The following BCL2L15 variants were observed in gnomAD, a reference collection of about 807,000 sequenced individuals.
BCL2L15 encodes BCL2 like 15.
A neutral mutation model predicts 18.3 loss-of-function variants in BCL2L15; 15 were observed. The ratio of observed to expected loss-of-function variants is 0.82; its 90% confidence interval spans 0.55 to 1.26. The LOEUF (loss-of-function observed/expected upper bound fraction) is 1.26. Among genes scored for constraint, BCL2L15 ranks in the 50% most tolerant of loss-of-function variants. BCL2L15 has a pLI of 0.00. For synonymous variants in BCL2L15, 58 were observed against 68.5 expected (o/e 0.85, Z 0.76); for missense variants, 180 against 201.7 (o/e 0.89, Z 0.65).
At chr1:113,881,502 T>C in intron 3 of BCL2L15, 1 of 1,360,556 alleles carries the variant, frequency 7.3e-7, no homozygotes, top group Non-Finnish European at 9.5e-7. Flanking sequence ...ATATACTTTA[T>C]AGATGATTAT....
At position 113,881,992 on chromosome 1, in the gene BCL2L15, T is replaced by C. The variant is rs769150956; in HGVS notation, c.255A>G (p.Gly85=). The C allele has an allele frequency of 1.5e-5, 24 of 1,612,124 alleles. No individual in the cohort carries two copies. In the Admixed American group the frequency reaches 3.7e-4, roughly 25 times the overall value. Residue 85 remains glycine, a synonymous_variant, in exon 3 of 4, where the codon GGA becomes GGG. Transcript: ENST00000393316. ...VIAETIKGQT[G]AILQDTVESL... ...ATTCCACAGTGTCCTGGAGTATAGC[T>C]CCTGTCTGAGGAAAGACAAAGGAAA... is the stretch of plus-strand genomic sequence containing the variant.
intron 2 of BCL2L15, among the ~76,000 whole-genome samples, chr1:113,883,298 T>C (rs1044641535): frequency 1.3e-5 from 2 of 151,836 alleles, no homozygotes. Flanking sequence ...CTGGCCAACA[T>C]AGTGAAACCC....
At chr1:113,885,770 C>T (rs1006000764) in intron 2 of BCL2L15, among the ~76,000 whole-genome samples, 9 of 151,870 alleles carry the variant, frequency 5.9e-5, no homozygotes, top group South Asian at 2.1e-4. Flanking sequence ...GGGCCAGGCG[C>T]GGTGGCTCAC....
At position 113,880,739 on chromosome 1, in the gene BCL2L15, C is replaced by T. The variant is rs1339469404; in HGVS notation, c.*384G>A. The T allele has an allele frequency of 5.2e-6, 1 of 193,904 alleles. No individual in the cohort carries two copies. Among genetic ancestry groups the T allele is most frequent in the Admixed American group, 5.8e-5 (1 of 17,352 alleles). The allele number at this position is 193,904 out of a possible 1,614,324, so 12.0% of individuals were successfully genotyped here. ...AGGGCTACATCTGAAGAAATAGTTTCCATTGTTCTCCCTTTCTCTCAAAAT... is the reference window on the plus strand; with the variant it reads ...AGGGCTACATCTGAAGAAATAGTTTTCATTGTTCTCCCTTTCTCTCAAAAT... On this transcript the variant is annotated 3_prime_UTR_variant, in exon 4 of 4. Transcript: ENST00000393316.
chr1:113,886,215 GAAA>G (rs34346787), intron 2 of BCL2L15, among the ~76,000 whole-genome samples: 35 of 95,288 alleles, frequency 3.7e-4, no homozygotes, highest in African/African-American at 8.9e-4. Context: ...GACCCTGTCT[GAAA>G]AAAAAAAAAA....
At chr1:113,883,702 T>A (rs979927523) in intron 2 of BCL2L15, among the ~76,000 whole-genome samples, 1 of 151,940 alleles carries the variant, frequency 6.6e-6, no homozygotes, top group Non-Finnish European at 1.5e-5. Context: ...AAGAATTGCT[T>A]GAATCCGAGA....
intron 3 of BCL2L15, 100 bp from the exon 4 acceptor site, chr1:113,881,240 T>A: frequency 6.4e-7 from 1 of 1,556,928 alleles, no homozygotes; most frequent in Non-Finnish European, 8.8e-7. Flanking sequence ...GAAATGTAGC[T>A]CTTATTAAGG....
Position 113,881,978 on chromosome 1 carries a change from T to A in BCL2L15, c.269A>T (p.Asp90Val), listed in dbSNP as rs756901135. 6.2e-7 allele frequency: 1 copy of A among 1,613,980 alleles called. No homozygotes were observed. The highest frequency in any genetic ancestry group is 1.7e-5 in the Admixed American group (1 of 60,016). ...IKGQTGAILQDTVESLSKTWC... is the reference protein window; with the variant it reads ...IKGQTGAILQVTVESLSKTWC... ...GGTCTTGCTGAGAGATTCCACAGTG[T>A]CCTGGAGTATAGCTCCTGTCTGAGG... Residue 90 changes from aspartate (D) to valine (V), a missense_variant, in exon 3 of 4, where the codon GAC becomes GTC. Physicochemically the swap from Asp to Val is radical, Grantham distance 152. Coordinates refer to ENST00000393316, the MANE Select transcript of BCL2L15 (RefSeq NM_001010922.3).
Position 113,881,400 on chromosome 1 carries a change from C to T in BCL2L15, c.475-260G>A, listed in dbSNP as rs930705931. ...TACTATTAAGGTGATTCTGACTTCC[C>T]TAACACACACATAGAGAAGTTAGGA... On this transcript the variant is annotated intron_variant, in intron 3 of 3. Coordinates refer to ENST00000393316, the MANE Select transcript of BCL2L15 (RefSeq NM_001010922.3). 3.4e-6 allele frequency: 4 copies of T among 1,182,000 alleles called. No individual in the cohort carries two copies. In the Admixed American group the frequency reaches 9.8e-5, roughly 29 times the overall value. The allele number at this position is 1,182,000 out of a possible 1,614,324, so 73.2% of individuals were successfully genotyped here.
intron 3 of BCL2L15, 199 bp from the exon 4 acceptor site, chr1:113,881,339 T>C: frequency 6.9e-6 from 7 of 1,007,914 alleles, no homozygotes; most frequent in South Asian, 1.8e-5. Context: ...ATACCTTATA[T>C]AGTTACCACT....
intron 1 of BCL2L15, among the ~76,000 whole-genome samples, 191 bp from the exon 2 acceptor site, chr1:113,886,849 T>C (rs999671427): frequency 6.6e-6 from 1 of 152,180 alleles, no homozygotes; most frequent in Non-Finnish European, 1.5e-5. Flanking sequence ...GCTTTAGGTG[T>C]TACTGAAAGC....
rs1225847260 is a variant in BCL2L15, at chr1:113,886,608, A to G, written c.178T>C (p.Leu60=). 1 of 1,613,640 alleles carries G rather than the reference A, an allele frequency of 6.2e-7. No individual in the cohort carries two copies. Among genetic ancestry groups the G allele is most frequent in the South Asian group, 1.1e-5 (1 of 90,994 alleles). ...VAIIAGRLRM[L]GDQFNGELEA... The stretch of plus-strand genomic sequence containing the variant: ...AATTCTCCGTTGAACTGGTCACCCA[A>G]CATCCGAAGGCGACCAGCAATGATA... The change falls in exon 2 of 4, where the codon TTG becomes CTG. Residue 60 remains leucine (L), a synonymous_variant. Coordinates refer to ENST00000393316, the MANE Select transcript of BCL2L15 (RefSeq NM_001010922.3).
chr1:113,884,463 C>T (rs963367012), intron 2 of BCL2L15, among the ~76,000 whole-genome samples: 1 of 152,158 alleles, frequency 6.6e-6, no homozygotes, highest in Non-Finnish European at 1.5e-5. Flanking sequence ...TTCTGGCCTA[C>T]AACTTTTTAC....
chr1:113,882,095 C>A (rs757077159), intron 2 of BCL2L15, 98 bp from the exon 3 acceptor site: 2 of 849,608 alleles, frequency 2.4e-6, no homozygotes, highest in Non-Finnish European at 3.7e-6. Flanking sequence ...TCTTAGAGTG[C>A]CAAATGTGCA....
At position 113,881,134 on chromosome 1, in the gene BCL2L15, G is replaced by T. The variant is rs894636993; in HGVS notation, c.481C>A (p.Leu161Met). The change falls in exon 4 of 4, where the codon CTG (leucine) becomes ATG (methionine). Residue 161 changes from leucine to methionine, a missense_variant. Transcript: ENST00000393316. ...FIQGQGGWEN[L>M]ES ...ATAGCTCCAACTCTTCAGCTCTCCA[G>T]ATTTTCCTAGGGAAGACAGAGAAAA... 3.7e-6 allele frequency: 6 copies of T among 1,614,016 alleles called. No homozygotes were observed. The African/African-American group carries it at 4.0e-5, about 11-fold the overall frequency.
chr1:113,879,928 C>A lies in BCL2L15; in HGVS notation c.*1195G>T, dbSNP rs1268889458. 1 of 152,210 alleles carries A rather than the reference C, an allele frequency of 6.6e-6. No individual in the cohort carries two copies. The highest frequency in any genetic ancestry group is 1.5e-5 in the Non-Finnish European group (1 of 68,048). 9.4% of individuals were successfully genotyped at this position (152,210 alleles called of 1,614,324 possible). On this transcript the variant is annotated 3_prime_UTR_variant, in exon 4 of 4. Coordinates refer to ENST00000393316, the MANE Select transcript of BCL2L15 (RefSeq NM_001010922.3). The stretch of plus-strand genomic sequence containing the variant: ...ATTCTCTATAGTGATGGCTGTCACA[C>A]TCTATATGTACATCAGAATCACCTA...
chr1:113,885,286 A>C (rs1339962822), intron 2 of BCL2L15, among the ~76,000 whole-genome samples: 1 of 152,008 alleles, frequency 6.6e-6, no homozygotes, highest in Non-Finnish European at 1.5e-5. Context: ...TGAGAAAAAA[A>C]GTCAACTCAG....
In BCL2L15 at chr1:113,880,467, A is replaced by G. The variant is rs1384821864; in HGVS notation, c.*656T>C. The G allele has an allele frequency of 6.6e-6, 1 of 152,288 alleles. No homozygotes were observed. Among genetic ancestry groups the G allele is most frequent in the African/African-American group, 2.4e-5 (1 of 41,432 alleles). 9.4% of individuals were successfully genotyped at this position (152,288 alleles called of 1,614,324 possible). On this transcript the variant is annotated 3_prime_UTR_variant, in exon 4 of 4. Coordinates refer to ENST00000393316, the MANE Select transcript of BCL2L15 (RefSeq NM_001010922.3). ...CGGCGAAACCTCATCTCTACTAAAA[A>G]TACAAAAAATTAGCCGGGCGTGATG...
chr1:113,881,570 G>A (rs1423497289), intron 3 of BCL2L15: 64 of 1,412,616 alleles, frequency 4.5e-5, no homozygotes, highest in Non-Finnish European at 5.7e-5. Flanking sequence ...AAGGTAGCAT[G>A]ACTCGAGTCC....
Sources: gnomAD v4.1 joint callset for allele counts (sites outside exome capture counted in the v4.1 genomes callset) on GRCh38, gnomAD v4.1.1 for gene constraint, MANE v1.5 for transcripts, NCBI Gene and HGNC (gene_info 2026-07-23, HGNC 2026-07-21) for gene names.